LTBP1: variants seen among roughly 807,000 people sequenced by gnomAD.
LTBP1 encodes latent-transforming growth factor beta-binding protein 1.
Under a neutral mutation model 207.6 loss-of-function variants are expected in LTBP1, and 129 were observed. The observed-to-expected ratio is 0.62, with a 90% confidence interval of 0.54 to 0.72. The LOEUF is 0.72. Ranked by LOEUF, LTBP1 falls within the 30% of genes least tolerant of loss-of-function variation. The pLI is 0.00. For missense variants in LTBP1, 2,281 were observed against 2,217.2 expected (o/e 1.03, Z -0.58); for synonymous variants, 963 against 833.7 (o/e 1.16, Z -2.67).
chr2:33,115,053 C>T (rs1263940494), intron 4 of LTBP1, among the ~76,000 whole-genome samples: 1 of 150,506 alleles, frequency 6.6e-6, no homozygotes, highest in African/African-American at 2.4e-5. Context: ...CACACACACA[C>T]ACACACACAC....
At chr2:33,095,471 C>A (rs2150073411) in intron 3 of LTBP1, among the ~76,000 whole-genome samples, 1 of 152,312 alleles carries the variant, frequency 6.6e-6, no homozygotes, top group Middle Eastern at 3.4e-3. Flanking sequence ...AGCCAAGTAA[C>A]TGCCTGGGCA....
rs2076425745 is a variant in LTBP1 at position 33,046,044 on chromosome 2, A to G, written c.863+24838A>G. Among the ~76,000 whole-genome samples, 3 of 152,314 alleles carry G rather than the reference A, an allele frequency of 2.0e-5. No individual in the cohort carries two copies. The South Asian group carries it at 6.2e-4, about 32-fold the overall frequency. On this transcript the variant is annotated intron_variant, in intron 3 of 33. Coordinates refer to ENST00000404816, the MANE Select transcript of LTBP1 (RefSeq NM_206943.4). ...GACGATGGGGTTTTCTAAATATACAATCATGTCATCTGCAAATGGAGACAA... is the reference window on the plus strand; with the variant it reads ...GACGATGGGGTTTTCTAAATATACAGTCATGTCATCTGCAAATGGAGACAA...
At chr2:33,323,942 C>T (rs2094392105) in intron 24 of LTBP1, among the ~76,000 whole-genome samples, 1 of 152,064 alleles carries the variant, frequency 6.6e-6, no homozygotes, top group Admixed American at 6.6e-5. Flanking sequence ...ACTCTTGTTC[C>T]AGCACTTCTA....
At chr2:33,122,479 G>C (rs1258397387) in intron 4 of LTBP1, among the ~76,000 whole-genome samples, 1 of 152,204 alleles carries the variant, frequency 6.6e-6, no homozygotes, top group African/African-American at 2.4e-5. Context: ...TCTGAGGCTG[G>C]CCAGCTGCCT....
rs114881648 is a variant in LTBP1, at chr2:33,272,607, A to T, written c.2618-1049A>T. On this transcript the variant is annotated intron_variant, in intron 15 of 33. Coordinates refer to ENST00000404816, the MANE Select transcript of LTBP1 (RefSeq NM_206943.4). ...TTTAGAGCATCTCTTTCATTCTCAT[A>T]CTTTGAAGTTGGAACTCTGATTATT... Among the ~76,000 whole-genome samples, 1,507 of 152,296 alleles carry T rather than the reference A, an allele frequency of 9.9e-3. 19 individuals are homozygous for T. The highest frequency in any genetic ancestry group is 0.031 in the African/African-American group (1,293 of 41,570).
At chr2:32,988,407 A>G (rs905153038) in intron 2 of LTBP1, among the ~76,000 whole-genome samples, 12 of 152,116 alleles carry the variant, frequency 7.9e-5, no homozygotes, top group African/African-American at 2.7e-4. Context: ...AGCCCATGCC[A>G]TTTCTACCAC....
At position 33,397,322 on chromosome 2, in the gene LTBP1, CT is replaced by C. The variant is rs777477072; in HGVS notation, c.4984+41del. The C allele has an allele frequency of 1.9e-6, 3 of 1,608,386 alleles. No individual in the cohort carries two copies. The South Asian group carries it at 3.3e-5, about 18-fold the overall frequency. On this transcript the variant is annotated intron_variant, in intron 33 of 33. Transcript: ENST00000404816. ...TGTTTTATGGGACATTAATTTTTTC[CT>C]GACACCCCGTATCTCAGTCAGTAGA...
chr2:32,953,604 G>A (rs1000191105), intron 2 of LTBP1, among the ~76,000 whole-genome samples: 26 of 152,150 alleles, frequency 1.7e-4, no homozygotes, highest in African/African-American at 5.3e-4. Flanking sequence ...CACTGTAATA[G>A]TGCTTAAACC....
chr2:33,253,505 T>A (rs906054671), intron 11 of LTBP1, among the ~76,000 whole-genome samples: 1 of 151,996 alleles, frequency 6.6e-6, no homozygotes, highest in African/African-American at 2.4e-5. Flanking sequence ...TCAAGTAGAG[T>A]TAAGTGGAAG....
At chr2:33,128,734 A>C (rs1490884583) in intron 4 of LTBP1, among the ~76,000 whole-genome samples, 1 of 152,224 alleles carries the variant, frequency 6.6e-6, no homozygotes, top group African/African-American at 2.4e-5. Context: ...TCAGGATTCT[A>C]GATTGTGGCT....
At chr2:33,063,598 G>T (rs1259162881) in intron 3 of LTBP1, among the ~76,000 whole-genome samples, 1 of 151,826 alleles carries the variant, frequency 6.6e-6, no homozygotes, top group Non-Finnish European at 1.5e-5. Flanking sequence ...GGTAAATTTT[G>T]ATAGCTATAA....
intron 5 of LTBP1, among the ~76,000 whole-genome samples, chr2:33,174,830 C>T (rs1056107982): frequency 3.9e-5 from 6 of 151,970 alleles, no homozygotes; most frequent in African/African-American, 1.5e-4. Flanking sequence ...TGGAAGAGAA[C>T]AGAGCCCTCA....
At chr2:33,197,983 G>A (rs552727902) in intron 7 of LTBP1, among the ~76,000 whole-genome samples, 100 of 152,206 alleles carry the variant, frequency 6.6e-4, no homozygotes, top group African/African-American at 2.3e-3. Context: ...AGGTATTCCA[G>A]GACTCTGGAA....
intron 24 of LTBP1, among the ~76,000 whole-genome samples, chr2:33,315,610 A>C (rs183824210): frequency 7.2e-5 from 11 of 152,260 alleles, no homozygotes; most frequent in Non-Finnish European, 1.3e-4. Flanking sequence ...GCTTCTTTTG[A>C]TTGTGCTTCA....
intron 5 of LTBP1, among the ~76,000 whole-genome samples, chr2:33,136,106 C>A (rs1235143562): frequency 6.6e-6 from 1 of 152,174 alleles, no homozygotes; most frequent in African/African-American, 2.4e-5. Context: ...GAGGTCAAAG[C>A]ATATTTTTGA....
intron 10 of LTBP1, among the ~76,000 whole-genome samples, chr2:33,248,586 A>AT (rs201927841): frequency 0.02 from 2,793 of 140,666 alleles, 38 homozygotes; most frequent in East Asian, 0.077. Flanking sequence ...TTCTCCACGA[A>AT]TTTTTTTTTT....
At chr2:33,312,159 C>T (rs1030616287) in intron 23 of LTBP1, among the ~76,000 whole-genome samples, 1 of 152,188 alleles carries the variant, frequency 6.6e-6, no homozygotes, top group Non-Finnish European at 1.5e-5. Context: ...TTTCTCTAAT[C>T]CCTTGATCAT....
chr2:32,947,440 C>T lies in LTBP1; in HGVS notation c.116C>T (p.Ala39Val). The change falls in exon 1 of 34, where the codon GCA becomes GTA. Residue 39 changes from alanine (A) to valine (V), a missense_variant. Physicochemically the swap from Ala to Val is moderately conservative, Grantham distance 64. This residue lies in a region of LTBP1 where 555 missense variants were observed against 491.0 expected (regional missense o/e 1.13). Coordinates refer to ENST00000404816, the MANE Select transcript of LTBP1 (RefSeq NM_206943.4). ...GTGGTGCACCCGGGCCCCGGCCTGG[C>T]AGCCGGCGCCTTGCCCCTGAGCGGG... ...TYVVHPGPGL[A>V]AGALPLSGPP... 6.9e-7 allele frequency: 1 copy of T among 1,442,542 alleles called. No individual in the cohort carries two copies. Among genetic ancestry groups the T allele is most frequent in the Admixed American group, 2.6e-5 (1 of 38,586 alleles). The allele number at this position is 1,442,542 out of a possible 1,614,324, so 89.4% of individuals were successfully genotyped here.
At chr2:33,202,325 A>G (rs368558193) in intron 7 of LTBP1, among the ~76,000 whole-genome samples, 1 of 152,174 alleles carries the variant, frequency 6.6e-6, no homozygotes, top group Non-Finnish European at 1.5e-5. Flanking sequence ...CCAACTCCAC[A>G]TGGGAGAAAA....
Sources: gnomAD v4.1 joint callset for allele counts (sites outside exome capture counted in the v4.1 genomes callset) on GRCh38, gnomAD v4.1.1 for gene constraint, gnomAD v4.1.1 regional missense constraint, MANE v1.5 for transcripts, NCBI Gene and HGNC (gene_info 2026-07-23, HGNC 2026-07-21) for gene names.